The following ROS1 variants were observed in gnomAD, a reference collection of about 807,000 sequenced individuals.
The protein encoded by ROS1 is ROS proto-oncogene 1, receptor tyrosine kinase, also known as proto-oncogene tyrosine-protein kinase ROS.
ROS1 carries 263 observed loss-of-function variants against 273.5 expected under a neutral mutation model. The ratio of observed to expected loss-of-function variants is 0.96; its 90% CI spans 0.87 to 1.06. ROS1 has a LOEUF of 1.06. Among genes scored for constraint, ROS1 ranks in the 50% least tolerant of loss-of-function variants. The pLI is 0.00. For missense variants in ROS1, 2,833 were observed against 2,751.1 expected (o/e 1.03, Z -0.67); for synonymous variants, 1,008 against 954.1 (o/e 1.06, Z -1.04).
intron 42 of ROS1, among the ~76,000 whole-genome samples, chr6:117,303,332 G>A (rs1197492806): frequency 5.9e-5 from 9 of 152,104 alleles, no homozygotes; most frequent in Admixed American, 5.2e-4. Context: ...AAACAAACAC[G>A]AGTTCTAATA....
chr6:117,396,899 A>G lies in ROS1; in HGVS notation c.806+16T>C, dbSNP rs780616523. On this transcript the variant is annotated intron_variant, in intron 8 of 43. Transcript: ENST00000368507. ...CCATGCTGGTTACATTTTCCTCTGT[A>G]TCACTTAATTCTTACCTGTAGATAG... The G allele has an allele frequency of 1.2e-5, 19 of 1,565,706 alleles. No homozygotes were observed. The highest frequency in any genetic ancestry group is 1.7e-5 in the Non-Finnish European group (19 of 1,136,632).
At chr6:117,371,726 A>C (rs1780793751) in intron 18 of ROS1, among the ~76,000 whole-genome samples, 2 of 152,162 alleles carry the variant, frequency 1.3e-5, no homozygotes, top group Admixed American at 6.5e-5. Flanking sequence ...GCTGCATGGG[A>C]GACATGGTGG....
At chr6:117,291,815 C>T (rs1448137449) in intron 43 of ROS1, among the ~76,000 whole-genome samples, 1 of 152,114 alleles carries the variant, frequency 6.6e-6, no homozygotes, top group Non-Finnish European at 1.5e-5. Flanking sequence ...TTGTTTCTTA[C>T]CTATCTCTGC....
At chr6:117,417,726 A>G (rs1215432272) in intron 2 of ROS1, among the ~76,000 whole-genome samples, 2 of 152,230 alleles carry the variant, frequency 1.3e-5, no homozygotes, top group Non-Finnish European at 2.9e-5. Flanking sequence ...TTCCTTAACA[A>G]CTTAGGCTAC....
intron 25 of ROS1, 74 bp from the exon 26 acceptor site, chr6:117,356,989 A>C: frequency 7.8e-7 from 1 of 1,275,190 alleles, no homozygotes; most frequent in Non-Finnish European, 1.1e-6. Context: ...TCTAATGCAG[A>C]GCAACTATTG....
chr6:117,422,728 C>T (rs1488142922), intron 1 of ROS1, among the ~76,000 whole-genome samples: 2 of 152,038 alleles, frequency 1.3e-5, no homozygotes, highest in African/African-American at 4.8e-5. Flanking sequence ...AATGTATTGT[C>T]ATCACCCTCT....
At chr6:117,320,492 C>T (rs1285930447) in intron 36 of ROS1, among the ~76,000 whole-genome samples, 2 of 152,088 alleles carry the variant, frequency 1.3e-5, no homozygotes, top group Admixed American at 1.3e-4. Flanking sequence ...AACCCCATCA[C>T]CATAAGGTTA....
At chr6:117,361,803 A>C (rs1172952896) in intron 22 of ROS1, among the ~76,000 whole-genome samples, 3 of 151,932 alleles carry the variant, frequency 2.0e-5, no homozygotes, top group Non-Finnish European at 4.4e-5. Context: ...CCAAGATGTT[A>C]TTTTCCCCAA....
rs142109327 is a variant in ROS1 at position 117,341,425 on chromosome 6, G to A, written c.4859C>T (p.Ser1620Phe). 1.7e-4 allele frequency: 271 copies of A among 1,613,736 alleles called. 2 individuals are homozygous for A. The African/African-American group carries it at 3.2e-3, about 19-fold the overall frequency. ...CTTTAACACATAAATATTTCCACCA[G>A]ACAGTCTAGTAACAAGGAGAGTGAG... Reference protein sequence around the residue: ...GRLTLLVTRLSGGNIYVLKVL... With the variant: ...GRLTLLVTRLFGGNIYVLKVL... Residue 1620 changes from serine to phenylalanine, a missense_variant, in exon 30 of 44, where the codon TCT becomes TTT. Ser to Phe is a radical substitution (Grantham distance 155). Transcript: ENST00000368507.
intron 18 of ROS1, among the ~76,000 whole-genome samples, chr6:117,377,444 A>G (rs752881581): frequency 2.8e-4 from 43 of 152,192 alleles, no homozygotes; most frequent in Non-Finnish European, 5.6e-4. Context: ...CAAAGCAACT[A>G]AATAAAGAAA....
intron 12 of ROS1, among the ~76,000 whole-genome samples, chr6:117,391,678 T>C (rs988831012): frequency 6.6e-6 from 1 of 152,148 alleles, no homozygotes. Flanking sequence ...TCTCCTATCA[T>C]GGTATAGAGA....
chr6:117,396,783 T>A, intron 8 of ROS1, 132 bp downstream of exon 8: 2 of 690,274 alleles, frequency 2.9e-6, no homozygotes, highest in Admixed American at 2.7e-5. Context: ...CACAATGACT[T>A]CAACCCAACA....
Position 117,317,142 on chromosome 6 carries a change from C to T in ROS1, c.6117+1G>A, listed in dbSNP as rs759495322. 1.2e-6 allele frequency: 2 copies of T among 1,611,282 alleles called. No homozygotes were observed. Among genetic ancestry groups the T allele is most frequent in the East Asian group, 2.2e-5 (1 of 44,840 alleles). On this transcript the variant is annotated splice_donor_variant, in intron 39 of 43. Coordinates refer to ENST00000368507, the MANE Select transcript of ROS1 (RefSeq NM_001378902.1). LOFTEE classifies it high-confidence loss of function. ...CAATATTATGGATCCCAACTGCCTACCGTTGCCATCCGGGCTTTACGCAAA... is the reference window on the plus strand; with the variant it reads ...CAATATTATGGATCCCAACTGCCTATCGTTGCCATCCGGGCTTTACGCAAA...
intron 18 of ROS1, among the ~76,000 whole-genome samples, chr6:117,367,743 T>C (rs1303969712): frequency 1.3e-5 from 2 of 152,228 alleles, no homozygotes; most frequent in Non-Finnish European, 2.9e-5. Context: ...ATCTATTAAA[T>C]GTGGGTATAA....
At chr6:117,301,755 A>G (rs1324951544) in intron 42 of ROS1, 1 of 152,262 alleles carries the variant, frequency 6.6e-6, no homozygotes, top group Non-Finnish European at 1.5e-5. Flanking sequence ...AGAGGCTGAC[A>G]TTTAAAAGAT....
chr6:117,351,118 G>A (rs2128635074), intron 27 of ROS1, among the ~76,000 whole-genome samples: 1 of 152,314 alleles, frequency 6.6e-6, no homozygotes, highest in South Asian at 2.1e-4. Context: ...TAGTAATGCG[G>A]TGGTAAGGTG....
rs912249194 is a variant in ROS1 at position 117,362,663 on chromosome 6, A to T, written c.3306T>A (p.Thr1102=). 6 of 1,613,276 alleles carry T rather than the reference A, an allele frequency of 3.7e-6. No homozygotes were observed. Among genetic ancestry groups the T allele is most frequent in the Non-Finnish European group, 5.1e-6 (6 of 1,179,458 alleles). Residue 1102 remains threonine (T), a synonymous_variant, in exon 22 of 44, where the codon ACT becomes ACA. Transcript: ENST00000368507. ...CAAGTTGAAAAGACATCACTGAGGG[A>T]GTGACATTGACAGCAATCCAGTCTT... is the stretch of plus-strand genomic sequence containing the variant. ...TCEDWIAVNV[T]PSVMSFQLEG...
intron 1 of ROS1, 56 bp downstream of exon 1, chr6:117,425,477 GC>G: frequency 6.7e-7 from 1 of 1,500,048 alleles, no homozygotes; most frequent in South Asian, 1.4e-5. Context: ...GTTATAACAA[GC>G]TGAATGCTAC....
rs774776316 is a variant in ROS1, at chr6:117,389,538, G to C, written c.1598C>G (p.Ser533Cys). ...ACATCCCACGATGAATTCATTAAAAGACAAAGCATCCTGTTGGAAAATGAC... is the reference window on the plus strand; with the variant it reads ...ACATCCCACGATGAATTCATTAAAACACAAAGCATCCTGTTGGAAAATGAC... ...GKVIFQQDAL[S>C]FNEFIVGCDL... The change falls in exon 13 of 44, where the codon TCT becomes TGT. Residue 533 changes from serine (S) to cysteine (C), a missense_variant. Ser to Cys is a moderately radical substitution (Grantham distance 112). Coordinates refer to ENST00000368507, the MANE Select transcript of ROS1 (RefSeq NM_001378902.1). The C allele has an allele frequency of 3.7e-6, 6 of 1,614,198 alleles. No homozygotes were observed. The South Asian group carries it at 6.6e-5, about 18-fold the overall frequency.
Sources: gnomAD v4.1 joint callset for allele counts (sites outside exome capture counted in the v4.1 genomes callset) on GRCh38, gnomAD v4.1.1 for gene constraint, MANE v1.5 for transcripts, NCBI Gene and HGNC (gene_info 2026-07-23, HGNC 2026-07-21) for gene names.